FAM174B: variants seen among roughly 807,000 people sequenced by gnomAD.
FAM174B encodes membrane protein FAM174B.
FAM174B carries 12 observed loss-of-function variants against 10.9 expected under a neutral mutation model. That is an observed-to-expected ratio of 1.10 (90% CI 0.71 to 1.79). The LOEUF (loss-of-function observed/expected upper bound fraction) is 1.79. Among genes scored for constraint, FAM174B ranks in the 40% most tolerant of loss-of-function variants. The pLI is 0.00. For missense variants in FAM174B, 266 were observed against 233.3 expected, an observed-to-expected ratio of 1.14 and a Z score of -0.91; for synonymous variants, 132 against 115.8, an observed-to-expected ratio of 1.14 and a Z score of -0.90.
At chr15:92,631,395 T>TTATATATAA (rs1555421157) in intron 1 of FAM174B, among the ~76,000 whole-genome samples, 5 of 22,400 alleles carry the variant, frequency 2.2e-4, no homozygotes, top group African/African-American at 1.5e-3. Flanking sequence ...ATATTATATA[T>TTATATATAA]TATATTATAT....
intron 1 of FAM174B, among the ~76,000 whole-genome samples, chr15:92,631,350 A>T (rs1290747180): frequency 1.1e-4 from 2 of 18,276 alleles, no homozygotes; most frequent in African/African-American, 7.5e-4. Context: ...ATTATATATA[A>T]TATATTATAT....
chr15:92,636,596 A>G (rs1429240382), intron 1 of FAM174B, among the ~76,000 whole-genome samples: 1 of 152,096 alleles, frequency 6.6e-6, no homozygotes, highest in African/African-American at 2.4e-5. Flanking sequence ...GTGCCGCACA[A>G]CTACCCATGG....
intron 2 of FAM174B, among the ~76,000 whole-genome samples, chr15:92,628,878 C>T (rs2050772024): frequency 6.6e-6 from 1 of 152,028 alleles, no homozygotes; most frequent in African/African-American, 2.4e-5. Flanking sequence ...ATGTATAAAA[C>T]ATTTATACAT....
In FAM174B at chr15:92,655,683, C is replaced by CG; in HGVS notation, c.-25dup. On this transcript the variant is annotated 5_prime_UTR_variant, in exon 1 of 3. Coordinates refer to ENST00000327355, the MANE Select transcript of FAM174B (RefSeq NM_207446.3). The stretch of plus-strand genomic sequence containing the variant: ...ATAGTGCGGTGGGTCGGCACAGGAT[C>CG]GGGCAGGGCGCGCGCGGCTGAGCTC... The CG allele has an allele frequency of 7.3e-6, 9 of 1,240,404 alleles. No homozygotes were observed. The highest frequency in any genetic ancestry group is 9.1e-6 in the Non-Finnish European group (9 of 993,362). 76.8% of individuals were successfully genotyped at this position (1,240,404 alleles called of 1,614,324 possible).
chr15:92,649,387 A>G (rs1177037982), intron 1 of FAM174B, among the ~76,000 whole-genome samples: 1 of 152,232 alleles, frequency 6.6e-6, no homozygotes, highest in Non-Finnish European at 1.5e-5. Context: ...TTCATTTCAA[A>G]GAGCCTCAGA....
At chr15:92,645,682 C>A (rs2050921936) in intron 1 of FAM174B, 1 of 152,294 alleles carries the variant, frequency 6.6e-6, no homozygotes. Flanking sequence ...CCCCTAGGGG[C>A]AGCCCCATGG....
chr15:92,650,922 C>T (rs2050962419), intron 1 of FAM174B, among the ~76,000 whole-genome samples: 1 of 152,178 alleles, frequency 6.6e-6, no homozygotes, highest in Non-Finnish European at 1.5e-5. Flanking sequence ...CCCTCGGTCT[C>T]CAGCCAGCTT....
At chr15:92,637,566 T>G (rs2050864046) in intron 1 of FAM174B, among the ~76,000 whole-genome samples, 1 of 152,216 alleles carries the variant, frequency 6.6e-6, no homozygotes, top group Non-Finnish European at 1.5e-5. Flanking sequence ...ATTTTAATAG[T>G]TAGCCTTCCA....
chr15:92,641,482 A>G lies in FAM174B; in HGVS notation c.345-11137T>C, dbSNP rs562989134. Among the ~76,000 whole-genome samples the G allele has an allele frequency of 7.2e-5, 11 of 152,348 alleles. No individual in the cohort carries two copies. The East Asian group carries it at 2.1e-3, about 29-fold the overall frequency. The stretch of plus-strand genomic sequence containing the variant: ...TAATGAACACTAAGCACCTATATAA[A>G]TGAATGAAGAGCTTTTTAGGAATAA... On this transcript the variant is annotated intron_variant, in intron 1 of 2. Coordinates refer to ENST00000327355, the MANE Select transcript of FAM174B (RefSeq NM_207446.3).
chr15:92,645,683 A>G (rs1244225845), intron 1 of FAM174B: 1 of 152,308 alleles, frequency 6.6e-6, no homozygotes, highest in Non-Finnish European at 1.5e-5. Flanking sequence ...CCCTAGGGGC[A>G]GCCCCATGGG....
At chr15:92,643,746 C>T (rs2050907527) in intron 1 of FAM174B, among the ~76,000 whole-genome samples, 1 of 152,126 alleles carries the variant, frequency 6.6e-6, no homozygotes, top group Non-Finnish European at 1.5e-5. Flanking sequence ...CAAACCTTTC[C>T]TCCACCTGGA....
Position 92,630,319 on chromosome 15 carries a change from C to T in FAM174B, c.371G>A (p.Arg124His), listed in dbSNP as rs760315291. ...TGGAGTGGTGATGATATCATACTTGCGTGTCTTCTTTAACCTCTTTCCCGA... is the reference window on the plus strand; with the variant it reads ...TGGAGTGGTGATGATATCATACTTGTGTGTCTTCTTTAACCTCTTTCCCGA... ...FRSGKRLKKT[R>H]KYDIITTPAE... Residue 124 changes from arginine to histidine, a missense_variant, in exon 2 of 3, where the codon CGC (arginine) becomes CAC (histidine). Coordinates refer to ENST00000327355, the MANE Select transcript of FAM174B (RefSeq NM_207446.3). 1.2e-5 allele frequency: 20 copies of T among 1,613,378 alleles called. No homozygotes were observed. Among genetic ancestry groups the T allele is most frequent in the South Asian group, 2.2e-5 (2 of 91,012 alleles).
rs2050788631 is a variant in FAM174B at position 92,630,760 on chromosome 15, A to T, written c.345-415T>A. ...TATATATTTTTTATATTATATAATA[A>T]TATATAATAATAATATATTTTATAT... On this transcript the variant is annotated intron_variant, in intron 1 of 2. Transcript: ENST00000327355. Among the ~76,000 whole-genome samples, 3 of 5,230 alleles carry T rather than the reference A, an allele frequency of 5.7e-4. 1 individual carries two copies. The Non-Finnish European group carries it at 0.039, about 69-fold the overall frequency. 3.4% of individuals were successfully genotyped at this position (5,230 alleles called of 152,430 possible).
intron 1 of FAM174B, among the ~76,000 whole-genome samples, chr15:92,642,310 G>T (rs1210061051): frequency 6.6e-6 from 1 of 152,148 alleles, no homozygotes; most frequent in Non-Finnish European, 1.5e-5. Context: ...CCACTCCTAG[G>T]TGTATATTCC....
intron 1 of FAM174B, chr15:92,645,476 C>G (rs1400334077): frequency 6.6e-6 from 1 of 152,400 alleles, no homozygotes; most frequent in African/African-American, 2.4e-5. Flanking sequence ...GTTTCTCTTT[C>G]CCTCTCTCAG....
chr15:92,635,159 CCACACACACCCACACA>C (rs1390917644), intron 1 of FAM174B, among the ~76,000 whole-genome samples: 15 of 20,966 alleles, frequency 7.2e-4, no homozygotes, highest in Non-Finnish European at 3.2e-3. Flanking sequence ...CACTATCTCT[CCACACACACCCACACA>C]CACACACACA....
intron 1 of FAM174B, among the ~76,000 whole-genome samples, chr15:92,650,373 C>G (rs2050958077): frequency 6.6e-6 from 1 of 152,198 alleles, no homozygotes; most frequent in Non-Finnish European, 1.5e-5. Flanking sequence ...ACCTCCCGAT[C>G]CCTCGGGAAG....
intron 2 of FAM174B, 72 bp downstream of exon 2, chr15:92,630,142 C>A: frequency 1.3e-6 from 2 of 1,524,644 alleles, no homozygotes; most frequent in Non-Finnish European, 9.0e-7. Context: ...ACATGGACAC[C>A]ATGCCTGACC....
At chr15:92,651,892 G>A (rs1274057117) in intron 1 of FAM174B, among the ~76,000 whole-genome samples, 1 of 152,054 alleles carries the variant, frequency 6.6e-6, no homozygotes, top group African/African-American at 2.4e-5. Flanking sequence ...TAATTTCCTT[G>A]GATCCAATTT....
Sources: gnomAD v4.1 joint callset for allele counts (sites outside exome capture counted in the v4.1 genomes callset) on GRCh38, gnomAD v4.1.1 for gene constraint, MANE v1.5 for transcripts, NCBI Gene and HGNC (gene_info 2026-07-23, HGNC 2026-07-21) for gene names.